The following OSBPL8 variants were observed in gnomAD, a reference collection of about 807,000 sequenced individuals.
The protein encoded by OSBPL8 is oxysterol binding protein like 8, also known as oxysterol-binding protein-related protein 8.
A neutral mutation model predicts 125.5 loss-of-function variants in OSBPL8; 59 were observed. The ratio of observed to expected loss-of-function variants is 0.47; its 90% confidence interval spans 0.38 to 0.58. The LOEUF (loss-of-function observed/expected upper bound fraction) is 0.58. Ranked by LOEUF, OSBPL8 falls within the 20% of genes least tolerant of loss-of-function variation. The pLI is 0.00. For synonymous variants in OSBPL8, 330 were observed against 338.9 expected (o/e 0.97, Z 0.29); for missense variants, 758 against 1,047.8 (o/e 0.72, Z 3.82).
intron 21 of OSBPL8, among the ~76,000 whole-genome samples, chr12:76,368,150 TCCC>T (rs988369669): frequency 5.9e-5 from 9 of 152,176 alleles, no homozygotes; most frequent in African/African-American, 1.9e-4. Flanking sequence ...TCTTAATTTC[TCCC>T]CCATTTTCGA....
intron 1 of OSBPL8, among the ~76,000 whole-genome samples, chr12:76,548,632 C>T (rs552735912): frequency 6.6e-6 from 1 of 151,926 alleles, no homozygotes; most frequent in Non-Finnish European, 1.5e-5. Context: ...TTTAAAGGGC[C>T]CATACATAGC....
chr12:76,405,186 T>C (rs1189549096), intron 5 of OSBPL8, among the ~76,000 whole-genome samples: 1 of 152,104 alleles, frequency 6.6e-6, no homozygotes. Flanking sequence ...TGGCCGGGCA[T>C]GGTGACTCAT....
intron 2 of OSBPL8, among the ~76,000 whole-genome samples, chr12:76,465,182 A>G (rs975035032): frequency 6.6e-6 from 1 of 152,236 alleles, no homozygotes; most frequent in African/African-American, 2.4e-5. Flanking sequence ...TGCCAAGCAG[A>G]TATTTAAAAA....
chr12:76,515,312 G>A (rs547185500), intron 1 of OSBPL8, among the ~76,000 whole-genome samples: 2 of 152,256 alleles, frequency 1.3e-5, no homozygotes, highest in South Asian at 4.1e-4. Context: ...TGTAGATTAA[G>A]TAGTCAATAG....
chr12:76,511,270 C>G (rs1365120341), intron 1 of OSBPL8, among the ~76,000 whole-genome samples: 1 of 152,180 alleles, frequency 6.6e-6, no homozygotes, highest in Non-Finnish European at 1.5e-5. Flanking sequence ...AGTAACGGGA[C>G]TGCTGGGTCA....
chr12:76,402,674 C>T lies in OSBPL8; in HGVS notation c.366+15G>A. 1 of 1,563,928 alleles carries T rather than the reference C, an allele frequency of 6.4e-7. No individual in the cohort carries two copies. The highest frequency in any genetic ancestry group is 1.4e-5 in the African/African-American group (1 of 73,778). ...CACAATGTAAATTACCTTTCAGAAA[C>T]AACTGGAAACTAACCTTAAGAGATT... is the stretch of plus-strand genomic sequence containing the variant. On this transcript the variant is annotated intron_variant, in intron 6 of 23. Coordinates refer to ENST00000261183, the MANE Select transcript of OSBPL8 (RefSeq NM_020841.5).
At chr12:76,437,978 CTTCT>C (rs1327172804) in intron 4 of OSBPL8, among the ~76,000 whole-genome samples, 1 of 148,360 alleles carries the variant, frequency 6.7e-6, no homozygotes, top group Non-Finnish European at 1.5e-5. Flanking sequence ...AGTAAAACTT[CTTCT>C]TTTTTTATTT....
chr12:76,432,317 G>T (rs1870929769), intron 4 of OSBPL8, among the ~76,000 whole-genome samples: 1 of 152,160 alleles, frequency 6.6e-6, no homozygotes, highest in Non-Finnish European at 1.5e-5. Flanking sequence ...TGGGTACAGT[G>T]GCTTATGACT....
At chr12:76,488,318 C>T (rs1349892333) in intron 1 of OSBPL8, among the ~76,000 whole-genome samples, 1 of 152,078 alleles carries the variant, frequency 6.6e-6, no homozygotes, top group East Asian at 1.9e-4. Context: ...AGTGATGGAA[C>T]ATTTTATATA....
chr12:76,358,964 G>A (rs1952095674), intron 21 of OSBPL8, among the ~76,000 whole-genome samples, 153 bp from the exon 22 acceptor site: 1 of 152,230 alleles, frequency 6.6e-6, no homozygotes, highest in Non-Finnish European at 1.5e-5. Context: ...CAAATGTGAT[G>A]CACTTATGCA....
At chr12:76,380,131 G>A (rs895581992) in intron 15 of OSBPL8, among the ~76,000 whole-genome samples, 2 of 151,952 alleles carry the variant, frequency 1.3e-5, no homozygotes, top group African/African-American at 4.8e-5. Context: ...ACTTTTCAAC[G>A]TAATTTGAGA....
intron 1 of OSBPL8, among the ~76,000 whole-genome samples, chr12:76,547,122 C>T (rs1950803191): frequency 6.6e-6 from 1 of 152,174 alleles, no homozygotes; most frequent in South Asian, 2.1e-4. Flanking sequence ...TTACAAAAGA[C>T]ACACATTCCA....
At chr12:76,440,638 C>T (rs1433951113) in intron 4 of OSBPL8, among the ~76,000 whole-genome samples, 5 of 152,050 alleles carry the variant, frequency 3.3e-5, no homozygotes, top group Non-Finnish European at 5.9e-5. Context: ...CTCTCTCCTC[C>T]CATCATTTCA....
chr12:76,539,917 G>A (rs553402020), intron 1 of OSBPL8, among the ~76,000 whole-genome samples: 1 of 152,228 alleles, frequency 6.6e-6, no homozygotes, highest in African/African-American at 2.4e-5. Flanking sequence ...AAAGTAGTCT[G>A]GATTTTCAGT....
intron 1 of OSBPL8, among the ~76,000 whole-genome samples, chr12:76,524,967 A>C (rs1056318774): frequency 6.6e-6 from 1 of 152,188 alleles, no homozygotes; most frequent in Non-Finnish European, 1.5e-5. Context: ...TACAGGCGTG[A>C]GCCACTGCGC....
Position 76,491,767 on chromosome 12 carries a change from A to G in OSBPL8, c.-67-4149T>C, listed in dbSNP as rs553894062. Among the ~76,000 whole-genome samples the G allele has an allele frequency of 2.0e-5, 3 of 152,350 alleles. No homozygotes were observed. The South Asian group carries it at 6.2e-4, about 32-fold the overall frequency. ...ATCTAAGTGAATAAATAAGAATCCA[A>G]AACAGCAGATGATATAAAAATTATG... On this transcript the variant is annotated intron_variant, in intron 1 of 23. Coordinates refer to ENST00000261183, the MANE Select transcript of OSBPL8 (RefSeq NM_020841.5).
intron 2 of OSBPL8, among the ~76,000 whole-genome samples, chr12:76,481,919 C>A (rs1375100894): frequency 2.6e-5 from 4 of 152,148 alleles, no homozygotes; most frequent in African/African-American, 9.7e-5. Flanking sequence ...TGAATAAACT[C>A]TAATAACACA....
At chr12:76,428,577 A>G (rs1870435181) in intron 4 of OSBPL8, among the ~76,000 whole-genome samples, 1 of 152,138 alleles carries the variant, frequency 6.6e-6, no homozygotes, top group Non-Finnish European at 1.5e-5. Flanking sequence ...AAGATAATAA[A>G]CCTAGGCTTT....
intron 4 of OSBPL8, among the ~76,000 whole-genome samples, chr12:76,412,199 C>T (rs1424968670): frequency 6.6e-6 from 1 of 151,872 alleles, no homozygotes; most frequent in East Asian, 1.9e-4. Context: ...AAAAGAACAA[C>T]AAATATTGAG....
Sources: allele counts gnomAD v4.1 joint callset (sites outside exome capture counted in the v4.1 genomes callset), GRCh38; gene constraint gnomAD v4.1.1; transcripts MANE v1.5; gene names NCBI Gene and HGNC (gene_info 2026-07-23, HGNC 2026-07-21).